PTPRD: variants seen among roughly 807,000 people sequenced by gnomAD.
The protein encoded by PTPRD is receptor-type tyrosine-protein phosphatase delta.
A neutral mutation model predicts 214.5 loss-of-function variants in PTPRD; 34 were observed. That is an observed-to-expected ratio of 0.16 (90% CI 0.12 to 0.21). PTPRD has a LOEUF of 0.21. Ranked by LOEUF, PTPRD falls within the 10% of genes least tolerant of loss-of-function variation. The pLI, the probability that PTPRD is intolerant of heterozygous loss-of-function variation, is 1.00. For missense variants in PTPRD, 2,545 were observed against 2,398.7 expected, an observed-to-expected ratio of 1.06 and a Z score of -1.27; for synonymous variants, 1,128 against 845.7, an observed-to-expected ratio of 1.33 and a Z score of -5.79.
At chr9:10,395,601 C>A (rs2098153308) in intron 2 of PTPRD, among the ~76,000 whole-genome samples, 1 of 151,818 alleles carries the variant, frequency 6.6e-6, no homozygotes, top group Admixed American at 6.6e-5. Flanking sequence ...TTTTGAGAAA[C>A]AAATGTATAT....
intron 11 of PTPRD, among the ~76,000 whole-genome samples, chr9:8,965,772 C>A (rs1324319144): frequency 6.6e-6 from 1 of 151,996 alleles, no homozygotes; most frequent in South Asian, 2.1e-4. Flanking sequence ...AACATAGCAT[C>A]AGAAGTTCTA....
chr9:9,524,340 T>G (rs1309208644), intron 8 of PTPRD, among the ~76,000 whole-genome samples: 7 of 152,178 alleles, frequency 4.6e-5, no homozygotes, highest in Non-Finnish European at 8.8e-5. Context: ...ATCACAACAC[T>G]CTAACAAATA....
At chr9:9,952,009 G>C (rs938784174) in intron 4 of PTPRD, among the ~76,000 whole-genome samples, 3 of 152,226 alleles carry the variant, frequency 2.0e-5, no homozygotes, top group Non-Finnish European at 4.4e-5. Context: ...ATGGCCTACA[G>C]GAAATGAAAT....
intron 11 of PTPRD, among the ~76,000 whole-genome samples, chr9:8,828,769 AT>A (rs2154528981): frequency 6.6e-6 from 1 of 152,338 alleles, no homozygotes; most frequent in South Asian, 2.1e-4. Flanking sequence ...TGGATTCATT[AT>A]AAAGCTTTAA....
At chr9:9,586,004 T>C (rs2091881072) in intron 7 of PTPRD, among the ~76,000 whole-genome samples, 1 of 151,998 alleles carries the variant, frequency 6.6e-6, no homozygotes, top group Non-Finnish European at 1.5e-5. Flanking sequence ...AAGCAGTGGA[T>C]AAAAATTAAG....
At chr9:9,163,775 A>G (rs2099895589) in intron 10 of PTPRD, among the ~76,000 whole-genome samples, 1 of 152,198 alleles carries the variant, frequency 6.6e-6, no homozygotes, top group South Asian at 2.1e-4. Flanking sequence ...ACTTGACAGC[A>G]TCCTCAAATT....
rs368708353 is a variant in PTPRD at position 8,525,205 on chromosome 9, CAT to C, written c.569-172_569-171del. 58 of 730,334 alleles carry C rather than the reference CAT, an allele frequency of 7.9e-5. 1 individual carries two copies. The East Asian group carries it at 1.2e-3, about 16-fold the overall frequency. 45.2% of individuals were successfully genotyped at this position (730,334 alleles called of 1,614,324 possible). ...ACAGAAAATGATGCGATGAGAAAAA[CAT>C]ATAGAGATTATTTTTTTTTTTTACA... On this transcript the variant is annotated intron_variant, in intron 17 of 45. Coordinates refer to ENST00000381196, the MANE Select transcript of PTPRD (RefSeq NM_002839.4).
intron 22 of PTPRD, 105 bp from the exon 23 acceptor site, chr9:8,504,510 C>A: frequency 7.8e-7 from 1 of 1,281,098 alleles, no homozygotes; most frequent in South Asian, 1.4e-5. Flanking sequence ...ATTATAATCT[C>A]ATCAAAATAT....
intron 36 of PTPRD, among the ~76,000 whole-genome samples, chr9:8,392,399 G>T (rs536160333): frequency 6.6e-6 from 1 of 151,960 alleles, no homozygotes; most frequent in Admixed American, 6.6e-5. Context: ...GGTCATGCAC[G>T]CCTGTAGTCC....
At chr9:10,246,131 A>G (rs1393200454) in intron 3 of PTPRD, among the ~76,000 whole-genome samples, 2 of 152,166 alleles carry the variant, frequency 1.3e-5, no homozygotes, top group East Asian at 1.9e-4. Context: ...CAACTCTTAA[A>G]TACAGCTATG....
At chr9:9,949,151 C>A (rs920777666) in intron 4 of PTPRD, among the ~76,000 whole-genome samples, 1 of 151,964 alleles carries the variant, frequency 6.6e-6, no homozygotes, top group Non-Finnish European at 1.5e-5. Context: ...TAATTACCTC[C>A]TCCATGATCT....
At chr9:9,086,019 T>C (rs932409488) in intron 10 of PTPRD, among the ~76,000 whole-genome samples, 2 of 152,200 alleles carry the variant, frequency 1.3e-5, no homozygotes, top group Non-Finnish European at 2.9e-5. Flanking sequence ...AACTTACACA[T>C]ATAATTTACT....
intron 2 of PTPRD, among the ~76,000 whole-genome samples, chr9:10,413,296 G>A (rs1159640152): frequency 2.6e-5 from 4 of 152,000 alleles, no homozygotes; most frequent in Non-Finnish European, 5.9e-5. Flanking sequence ...AAAGTCAATA[G>A]TATTCCTGTA....
intron 9 of PTPRD, among the ~76,000 whole-genome samples, chr9:9,273,109 T>A (rs998245188): frequency 6.6e-6 from 1 of 151,344 alleles, no homozygotes; most frequent in Non-Finnish European, 1.5e-5. Flanking sequence ...ATGTACAATA[T>A]CCAACATCTT....
intron 3 of PTPRD, among the ~76,000 whole-genome samples, chr9:10,171,304 G>A (rs1022236552): frequency 1.3e-4 from 20 of 151,860 alleles, no homozygotes; most frequent in African/African-American, 4.1e-4. Context: ...ATTTAATCAC[G>A]GGGGTGGTTT....
chr9:10,505,915 A>G (rs1397393648), intron 2 of PTPRD, among the ~76,000 whole-genome samples: 1 of 152,184 alleles, frequency 6.6e-6, no homozygotes, highest in Non-Finnish European at 1.5e-5. Flanking sequence ...AAAATAATCA[A>G]TAAGTAGAAG....
At chr9:8,322,125 T>C (rs1165615989) in intron 44 of PTPRD, among the ~76,000 whole-genome samples, 1 of 152,136 alleles carries the variant, frequency 6.6e-6, no homozygotes, top group Non-Finnish European at 1.5e-5. Flanking sequence ...TTATGACTGC[T>C]TCACCAACCA....
At chr9:10,231,989 A>AGAGAGAGAGAGAGAGAGTGTGTGTGT (rs1245284728) in intron 3 of PTPRD, among the ~76,000 whole-genome samples, 1 of 92,436 alleles carries the variant, frequency 1.1e-5, no homozygotes, top group Admixed American at 1.2e-4. Context: ...AGAGAGAGAG[A>AGAGAGAGAGAGAGAGAGTGTGTGTGT]GTGTGTGTGT....
At chr9:10,551,275 G>T (rs1471002945) in intron 2 of PTPRD, among the ~76,000 whole-genome samples, 2 of 152,130 alleles carry the variant, frequency 1.3e-5, no homozygotes. Context: ...GAGGTTCCAG[G>T]TTACAGTGAG....
Sources: gnomAD v4.1 joint callset for allele counts (sites outside exome capture counted in the v4.1 genomes callset) on GRCh38, gnomAD v4.1.1 for gene constraint, MANE v1.5 for transcripts, NCBI Gene and HGNC (gene_info 2026-07-23, HGNC 2026-07-21) for gene names.